Variants in CAMSAP1 observed in about 807,000 individuals in gnomAD.
CAMSAP1 encodes the protein calmodulin regulated spectrin associated protein 1, also known as calmodulin-regulated spectrin-associated protein 1.
In CAMSAP1, 58 loss-of-function variants were observed where a neutral mutation model predicts 143.5. That is an observed-to-expected ratio of 0.40 (90% CI 0.33 to 0.50). The LOEUF (loss-of-function observed/expected upper bound fraction) is 0.50, where lower values mean the gene tolerates loss of function less well. Ranked by LOEUF, CAMSAP1 falls within the 20% of genes least tolerant of loss-of-function variation. CAMSAP1 has a pLI of 0.45. For missense variants in CAMSAP1, 1,969 were observed against 2,115.7 expected, an observed-to-expected ratio of 0.93 and a Z score of 1.36; for synonymous variants, 945 against 859.3, an observed-to-expected ratio of 1.10 and a Z score of -1.74.
In CAMSAP1 at chr9:135,892,848, CAA is replaced by C. The variant is rs59978082; in HGVS notation, c.161-9772_161-9771del. ...CCTGGGCAACAGAGCAAGACTGTCTCAAAAAAAAAAAAAAAAAAAGAACTAAT... is the reference window on the plus strand; with the variant it reads ...CCTGGGCAACAGAGCAAGACTGTCTCAAAAAAAAAAAAAAAAAGAACTAAT... On this transcript the variant is annotated intron_variant, in intron 1 of 16. Coordinates refer to ENST00000389532, the MANE Select transcript of CAMSAP1 (RefSeq NM_015447.4). 3.6e-4 allele frequency among the ~76,000 whole-genome samples: 15 copies of C among 42,072 alleles called. 1 individual carries two copies. The highest frequency in any genetic ancestry group is 2.0e-3 in the South Asian group (2 of 988). The allele number at this position is 42,072 out of a possible 152,430, so 27.6% of individuals were successfully genotyped here.
At chr9:135,867,473 C>G (rs1306670681) in intron 3 of CAMSAP1, among the ~76,000 whole-genome samples, 8 of 144,766 alleles carry the variant, frequency 5.5e-5, no homozygotes, top group Non-Finnish European at 1.2e-4. Flanking sequence ...AGCAAGACCC[C>G]CCTCTTTTTT....
intron 7 of CAMSAP1, among the ~76,000 whole-genome samples, chr9:135,832,701 A>C (rs1835894079): frequency 6.6e-6 from 1 of 152,240 alleles, no homozygotes; most frequent in African/African-American, 2.4e-5. Flanking sequence ...TGCAGGATAC[A>C]AAATCAACAT....
At chr9:135,835,353 C>T (rs1308318751) in intron 7 of CAMSAP1, among the ~76,000 whole-genome samples, 3 of 152,120 alleles carry the variant, frequency 2.0e-5, no homozygotes, top group Non-Finnish European at 4.4e-5. Flanking sequence ...TCTGAAGCAA[C>T]GATTGGCGGG....
In CAMSAP1 at chr9:135,811,236, A is replaced by G; in HGVS notation, c.*73T>C. The stretch of plus-strand genomic sequence containing the variant: ...AAACAATAAATAAGGACCCCGTGGC[A>G]CCCTCTGGATGCCAGCCACAAGGGC... On this transcript the variant is annotated 3_prime_UTR_variant, in exon 17 of 17. Transcript: ENST00000389532. The surrounding 1 kb of genome is among the most constrained non-coding windows in gnomAD (Gnocchi z 4.9). The G allele has an allele frequency of 6.7e-7, 1 of 1,499,138 alleles. No individual in the cohort carries two copies. The highest frequency in any genetic ancestry group is 9.0e-7 in the Non-Finnish European group (1 of 1,109,970). The allele number at this position is 1,499,138 out of a possible 1,614,324, so 92.9% of individuals were successfully genotyped here.
At chr9:135,815,323 C>A in intron 15 of CAMSAP1, 108 bp from the exon 16 acceptor site, 2 of 559,192 alleles carry the variant, frequency 3.6e-6, no homozygotes, top group South Asian at 3.2e-5. Context: ...GGCTGAATTA[C>A]AGATATTTAT....
intron 5 of CAMSAP1, among the ~76,000 whole-genome samples, chr9:135,858,280 C>A (rs1172871713): frequency 2.0e-5 from 3 of 152,030 alleles, no homozygotes; most frequent in African/African-American, 4.8e-5. Flanking sequence ...TGACTTCTGA[C>A]TAACAGAAAT....
Position 135,820,760 on chromosome 9 carries a change from A to C in CAMSAP1, c.3822+79T>G. On this transcript the variant is annotated intron_variant, in intron 11 of 16. Transcript: ENST00000389532. This position sits in a 1 kb window ranked among gnomAD's most constrained non-coding sequence, Gnocchi z 4.4. ...GGAGCGGCTGGCCAGCCTGGTGCAG[A>C]TCTGTGTTCTCTAACTCACTATCAC... 6.5e-7 allele frequency: 1 copy of C among 1,539,328 alleles called. No individual in the cohort carries two copies. Among genetic ancestry groups the C allele is most frequent in the Non-Finnish European group, 8.8e-7 (1 of 1,142,762 alleles).
At position 135,839,842 on chromosome 9, in the gene CAMSAP1, G is replaced by A. The variant is rs141552111; in HGVS notation, c.1045+10295C>T. Among the ~76,000 whole-genome samples, 1,190 of 151,800 alleles carry A rather than the reference G, an allele frequency of 7.8e-3. 10 individuals carry two copies. The highest frequency in any genetic ancestry group is 0.012 in the Non-Finnish European group (796 of 67,954). ...CTACAGCCACACAAGGGCCCCTGAC[G>A]ACCACAGATGGAAAAGGGGAAAGCC... On this transcript the variant is annotated intron_variant, in intron 7 of 16. Coordinates refer to ENST00000389532, the MANE Select transcript of CAMSAP1 (RefSeq NM_015447.4).
At chr9:135,870,350 T>C (rs562379292) in intron 3 of CAMSAP1, among the ~76,000 whole-genome samples, 4 of 152,332 alleles carry the variant, frequency 2.6e-5, no homozygotes, top group African/African-American at 9.6e-5. Flanking sequence ...CCTCTTCCCC[T>C]TCCGCCATGA....
chr9:135,817,888 CCT>C, intron 14 of CAMSAP1, 87 bp downstream of exon 14: 1 of 959,340 alleles, frequency 1.0e-6, no homozygotes, highest in Non-Finnish European at 1.6e-6. Context: ...GTTACAAAAG[CCT>C]CTCTCACCGT....
At chr9:135,863,075 A>C (rs182217612) in intron 4 of CAMSAP1, among the ~76,000 whole-genome samples, 1 of 152,204 alleles carries the variant, frequency 6.6e-6, no homozygotes. Context: ...GAAAAACACA[A>C]AACAGCATGA....
At chr9:135,894,075 T>C (rs1365132268) in intron 1 of CAMSAP1, among the ~76,000 whole-genome samples, 1 of 152,024 alleles carries the variant, frequency 6.6e-6, no homozygotes, top group Non-Finnish European at 1.5e-5. Flanking sequence ...CCAGGTACAC[T>C]TATTCTGCCC....
chr9:135,815,624 G>A (rs1019226671), intron 15 of CAMSAP1, among the ~76,000 whole-genome samples: 1 of 152,200 alleles, frequency 6.6e-6, no homozygotes, highest in East Asian at 1.9e-4. Context: ...CACCACTCCC[G>A]GGCTCTGCTG....
intron 1 of CAMSAP1, 60 bp from the exon 2 acceptor site, chr9:135,883,138 C>A: frequency 9.8e-6 from 15 of 1,530,574 alleles, no homozygotes; most frequent in Non-Finnish European, 1.2e-5. Flanking sequence ...GGAAGGAGTT[C>A]AAGGCTGCAG....
intron 3 of CAMSAP1, among the ~76,000 whole-genome samples, chr9:135,873,328 G>A (rs750508834): frequency 5.3e-5 from 8 of 152,152 alleles, no homozygotes; most frequent in Non-Finnish European, 1.0e-4. Context: ...CTGAAGTGCC[G>A]CTTAGAGAGG....
intron 1 of CAMSAP1, among the ~76,000 whole-genome samples, chr9:135,884,457 C>T (rs960975033): frequency 6.6e-6 from 1 of 152,196 alleles, no homozygotes; most frequent in Non-Finnish European, 1.5e-5. Flanking sequence ...TCCCCACAAT[C>T]TGAGCACCTC....
chr9:135,863,489 A>G (rs1837270228), intron 4 of CAMSAP1, among the ~76,000 whole-genome samples: 1 of 152,156 alleles, frequency 6.6e-6, no homozygotes, highest in South Asian at 2.1e-4. Context: ...CACGATACAA[A>G]CTAGAGGAAG....
At chr9:135,838,101 C>G (rs1008119506) in intron 7 of CAMSAP1, among the ~76,000 whole-genome samples, 7 of 147,434 alleles carry the variant, frequency 4.7e-5, no homozygotes, top group African/African-American at 1.5e-4. Context: ...ACGCACTTCC[C>G]ACCCATTCTA....
intron 16 of CAMSAP1, among the ~76,000 whole-genome samples, chr9:135,812,132 A>C (rs577256735): frequency 6.6e-6 from 1 of 152,348 alleles, no homozygotes; most frequent in South Asian, 2.1e-4. Context: ...ACGCATCCAT[A>C]CAAAACACTG....
Sources: gnomAD v4.1 joint callset for allele counts (sites outside exome capture counted in the v4.1 genomes callset) on GRCh38, gnomAD v4.1.1 for gene constraint, Gnocchi (gnomAD v3.1) non-coding constraint, MANE v1.5 for transcripts, NCBI Gene and HGNC (gene_info 2026-07-23, HGNC 2026-07-21) for gene names.